The following MEGF6 variants were observed in gnomAD, a reference collection of about 807,000 sequenced individuals.
MEGF6 encodes multiple EGF like domains 6.
In MEGF6, 184 loss-of-function variants were observed where a neutral mutation model predicts 207.1. That is an observed-to-expected ratio of 0.89 (90% CI 0.79 to 1.00). The LOEUF (loss-of-function observed/expected upper bound fraction) is 1.00, where lower values mean the gene tolerates loss of function less well. Among genes scored for constraint, MEGF6 ranks in the 50% least tolerant of loss-of-function variants. The probability of loss-of-function intolerance (pLI) is 0.00; values close to 1 mark genes in which losing one functional copy is unlikely to be tolerated. For missense variants in MEGF6, 2,282 were observed against 2,202.9 expected (o/e 1.04, Z -0.72); for synonymous variants, 1,038 against 910.0 (o/e 1.14, Z -2.53).
At chr1:3,571,007 T>A (rs572742004) in intron 4 of MEGF6, among the ~76,000 whole-genome samples, 2 of 152,192 alleles carry the variant, frequency 1.3e-5, no homozygotes, top group East Asian at 1.9e-4. Context: ...CAGCACCAGC[T>A]TGTCTTCATG....
At chr1:3,499,753 C>A (rs761759157) in intron 22 of MEGF6, 37 bp from the exon 23 acceptor site, 8 of 1,592,146 alleles carry the variant, frequency 5.0e-6, no homozygotes, top group African/African-American at 1.3e-5. Flanking sequence ...GGGGCCCACA[C>A]TGGAGGCCAC....
At chr1:3,579,030 TG>T (rs1477027432) in intron 4 of MEGF6, among the ~76,000 whole-genome samples, 1 of 152,256 alleles carries the variant, frequency 6.6e-6, no homozygotes, top group East Asian at 1.9e-4. Flanking sequence ...CCCTGGCATC[TG>T]CCTGGCATGG....
rs1641858094 is a variant in MEGF6, at chr1:3,523,846, C to A, written c.604+278G>T. ...CACTCCCCTGTCCACTGGGAGGGGC[C>A]TCAGCATCACAGCGGGGCTTAGTGT... On this transcript the variant is annotated intron_variant, in intron 5 of 36. Transcript: ENST00000356575. 1.3e-5 allele frequency among the ~76,000 whole-genome samples: 2 copies of A among 152,238 alleles called. 1 individual carries two copies. Among genetic ancestry groups the A allele is most frequent in the Admixed American group, 1.3e-4 (2 of 15,290 alleles).
At position 3,490,389 on chromosome 1, in the gene MEGF6, T is replaced by C. The variant is rs1266770426; in HGVS notation, c.*139A>G. 1.1e-6 allele frequency: 1 copy of C among 945,652 alleles called. No individual in the cohort carries two copies. Among genetic ancestry groups the C allele is most frequent in the Non-Finnish European group, 1.6e-6 (1 of 627,436 alleles). The allele number at this position is 945,652 out of a possible 1,614,324, so 58.6% of individuals were successfully genotyped here. ...CCAAGAGCGACAGGTTGCTGGGCTG[T>C]CCACAGCCCTCCACGGCCCTCAAAG... On this transcript the variant is annotated 3_prime_UTR_variant, in exon 37 of 37. Coordinates refer to ENST00000356575, the MANE Select transcript of MEGF6 (RefSeq NM_001409.4).
chr1:3,595,517 C>G, intron 2 of MEGF6, 70 bp from the exon 3 acceptor site: 2 of 1,299,928 alleles, frequency 1.5e-6, no homozygotes, highest in Non-Finnish European at 2.2e-6. Flanking sequence ...CACTGCACCC[C>G]TGGGGAGACT....
chr1:3,595,400 C>T lies in MEGF6; in HGVS notation c.314G>A (p.Arg105Gln), dbSNP rs570659251. 118 of 1,612,702 alleles carry T rather than the reference C, an allele frequency of 7.3e-5. No homozygotes were observed. The South Asian group carries it at 1.0e-3, about 14-fold the overall frequency. The change falls in exon 3 of 37, where the codon CGG becomes CAG. Residue 105 changes from arginine to glutamine, a missense_variant. Transcript: ENST00000356575. Reference protein sequence around the residue: ...GYRQVYTTEARTVLRCCRGWM... With the variant: ...GYRQVYTTEAQTVLRCCRGWM... ...CCCTCGGCAGCACCTGAGCACGGTC[C>T]GGGCCTCCGTGGTATACACCTGCCT...
intron 4 of MEGF6, among the ~76,000 whole-genome samples, chr1:3,532,272 C>G (rs1343790789): frequency 6.6e-6 from 1 of 152,256 alleles, no homozygotes; most frequent in Non-Finnish European, 1.5e-5. Flanking sequence ...TGCAGGAGAG[C>G]CAGGGCTGTG....
intron 4 of MEGF6, among the ~76,000 whole-genome samples, chr1:3,578,535 CT>C (rs1281597671): frequency 1.6e-5 from 2 of 128,224 alleles, no homozygotes; most frequent in Middle Eastern, 3.7e-3. Flanking sequence ...GGCAGGGGCC[CT>C]GGGGGGGGGG....
intron 4 of MEGF6, among the ~76,000 whole-genome samples, chr1:3,544,119 AG>A (rs1264891623): frequency 1.3e-5 from 2 of 151,930 alleles, no homozygotes; most frequent in African/African-American, 4.9e-5. Flanking sequence ...CACACCTGCC[AG>A]GGACCCCATT....
chr1:3,523,220 A>T (rs1383450600), intron 5 of MEGF6, among the ~76,000 whole-genome samples: 1 of 151,230 alleles, frequency 6.6e-6, no homozygotes, highest in African/African-American at 2.4e-5. Flanking sequence ...CCAGAGAATG[A>T]CCCCCCATGC....
Position 3,516,986 on chromosome 1 carries a change from G to A in MEGF6, c.605-1459C>T, listed in dbSNP as rs568563945. Among the ~76,000 whole-genome samples, 4 of 152,340 alleles carry A rather than the reference G, an allele frequency of 2.6e-5. No individual in the cohort carries two copies. In the South Asian group the frequency reaches 8.3e-4, roughly 32 times the overall value. Reference sequence around the variant, plus strand: ...TCCACCTAACTGCCCAGACAAGATGGGAGCTGTCCTGGCCCCCAGGCCCGG... The same window carrying A: ...TCCACCTAACTGCCCAGACAAGATGAGAGCTGTCCTGGCCCCCAGGCCCGG... On this transcript the variant is annotated intron_variant, in intron 5 of 36. Coordinates refer to ENST00000356575, the MANE Select transcript of MEGF6 (RefSeq NM_001409.4).
chr1:3,519,282 A>G (rs952998087), intron 5 of MEGF6, among the ~76,000 whole-genome samples: 11 of 152,236 alleles, frequency 7.2e-5, no homozygotes, highest in African/African-American at 2.7e-4. Context: ...GGGTCCCTAT[A>G]GACAAGTGCT....
At chr1:3,527,048 G>A (rs113499389) in intron 4 of MEGF6, among the ~76,000 whole-genome samples, 1 of 152,346 alleles carries the variant, frequency 6.6e-6, no homozygotes, top group African/African-American at 2.4e-5. Flanking sequence ...TCCAGGGGCT[G>A]CATAGAGCCA....
Position 3,605,330 on chromosome 1 carries a change from A to G in MEGF6, c.132-2730T>C, listed in dbSNP as rs557291563. 9.9e-5 allele frequency among the ~76,000 whole-genome samples: 15 copies of G among 151,156 alleles called. No individual in the cohort carries two copies. The South Asian group carries it at 2.9e-3, about 30-fold the overall frequency. On this transcript the variant is annotated intron_variant, in intron 1 of 36. Coordinates refer to ENST00000356575, the MANE Select transcript of MEGF6 (RefSeq NM_001409.4). ...TTCACATTCATATGCATGCTTACAC[A>G]CTCAACATGCTCATACACTCACGCA...
intron 4 of MEGF6, among the ~76,000 whole-genome samples, chr1:3,551,070 A>G (rs1642869238): frequency 6.6e-6 from 1 of 152,236 alleles, no homozygotes; most frequent in African/African-American, 2.4e-5. Context: ...CCGCGTGGCC[A>G]TGTGGCCAGG....
chr1:3,515,310 TC>T (rs1318403261), intron 6 of MEGF6, 91 bp downstream of exon 6: 2 of 1,457,568 alleles, frequency 1.4e-6, no homozygotes, highest in Admixed American at 2.0e-5. Flanking sequence ...CTTGGGGGCC[TC>T]CTGAAGACCC....
chr1:3,609,248 G>C (rs920441278), intron 1 of MEGF6, among the ~76,000 whole-genome samples: 2 of 152,148 alleles, frequency 1.3e-5, no homozygotes, highest in Non-Finnish European at 2.9e-5. Flanking sequence ...CCTCCTTTCT[G>C]CTCCACAGAG....
chr1:3,504,719 G>A (rs1641037336), intron 17 of MEGF6, among the ~76,000 whole-genome samples: 1 of 152,140 alleles, frequency 6.6e-6, no homozygotes, highest in Admixed American at 6.5e-5. Flanking sequence ...CTCTGTGCCT[G>A]CTCACACCCA....
intron 3 of MEGF6, among the ~76,000 whole-genome samples, chr1:3,589,561 G>T (rs1473114549): frequency 6.6e-6 from 1 of 152,098 alleles, no homozygotes; most frequent in Admixed American, 6.6e-5. Flanking sequence ...CAGCCCCTCT[G>T]CCCCTTCCTC....
Sources: gnomAD v4.1 joint callset for allele counts (sites outside exome capture counted in the v4.1 genomes callset) on GRCh38, gnomAD v4.1.1 for gene constraint, MANE v1.5 for transcripts, NCBI Gene and HGNC (gene_info 2026-07-23, HGNC 2026-07-21) for gene names.